PCDH15: variants seen among roughly 807,000 people sequenced by gnomAD.
PCDH15 encodes the protein protocadherin-15.
A neutral mutation model predicts 178.5 loss-of-function variants in PCDH15; 129 were observed. The ratio of observed to expected loss-of-function variants is 0.72; its 90% CI spans 0.63 to 0.84. The LOEUF (loss-of-function observed/expected upper bound fraction) is 0.84. Ranked by LOEUF, PCDH15 falls within the 40% of genes least tolerant of loss-of-function variation. The probability of loss-of-function intolerance (pLI) is 0.00; values close to 1 mark genes in which losing one functional copy is unlikely to be tolerated. For synonymous variants in PCDH15, 800 were observed against 732.0 expected (o/e 1.09, Z -1.50); for missense variants, 2,230 against 2,099.9 (o/e 1.06, Z -1.21).
At chr10:54,700,136 C>T (rs910496497) in intron 1 of PCDH15, among the ~76,000 whole-genome samples, 3 of 152,012 alleles carry the variant, frequency 2.0e-5, no homozygotes, top group African/African-American at 7.2e-5. Context: ...CTTCCAGAGA[C>T]AAAGTCAATC....
chr10:54,566,161 T>C (rs2089003954), intron 2 of PCDH15, among the ~76,000 whole-genome samples: 1 of 152,178 alleles, frequency 6.6e-6, no homozygotes, highest in Non-Finnish European at 1.5e-5. Context: ...TGTGGTATAA[T>C]TTTTTGTCAT....
chr10:54,401,186 G>A (rs1249659345), intron 3 of PCDH15, among the ~76,000 whole-genome samples: 1 of 151,872 alleles, frequency 6.6e-6, no homozygotes, highest in Non-Finnish European at 1.5e-5. Flanking sequence ...ACCTGGCTTT[G>A]TCTAAAAACA....
chr10:55,172,976 G>C (rs927682809), intron 1 of PCDH15, among the ~76,000 whole-genome samples: 1 of 151,922 alleles, frequency 6.6e-6, no homozygotes, highest in African/African-American at 2.4e-5. Flanking sequence ...GCAAATTTAA[G>C]CAAGTCAGCT....
chr10:54,588,705 A>G (rs141572610), intron 2 of PCDH15, among the ~76,000 whole-genome samples: 1 of 152,204 alleles, frequency 6.6e-6, no homozygotes, highest in Non-Finnish European at 1.5e-5. Context: ...CCTCCCAAGC[A>G]GCTGTGACTA....
chr10:55,172,733 G>A (rs1839372298), intron 1 of PCDH15, among the ~76,000 whole-genome samples: 1 of 151,820 alleles, frequency 6.6e-6, no homozygotes, highest in Admixed American at 6.6e-5. Context: ...GGTATCATTA[G>A]GATGTAACAA....
chr10:55,155,921 C>T (rs1457376719), intron 2 of PCDH15, among the ~76,000 whole-genome samples: 1 of 152,108 alleles, frequency 6.6e-6, no homozygotes, highest in Non-Finnish European at 1.5e-5. Context: ...ATATTTTTCA[C>T]TAAGCCTCCA....
intron 2 of PCDH15, among the ~76,000 whole-genome samples, chr10:54,914,198 G>A (rs1218620088): frequency 2.0e-5 from 3 of 152,136 alleles, no homozygotes; most frequent in Non-Finnish European, 4.4e-5. Context: ...AGTGTTTGAG[G>A]AGGGGCATGG....
chr10:55,544,206 G>A (rs979937577), intron 2 of PCDH15, among the ~76,000 whole-genome samples: 1 of 125,432 alleles, frequency 8.0e-6, no homozygotes, highest in Non-Finnish European at 1.7e-5. Context: ...ATGCATATAT[G>A]TAGCTGGTTA....
intron 2 of PCDH15, among the ~76,000 whole-genome samples, chr10:55,372,048 G>T (rs1485865689): frequency 1.3e-5 from 2 of 151,894 alleles, no homozygotes; most frequent in Non-Finnish European, 2.9e-5. Context: ...TTTTAAAGAA[G>T]AATAATTTGA....
intron 2 of PCDH15, among the ~76,000 whole-genome samples, chr10:55,044,389 A>G (rs77924154): frequency 0.016 from 2,377 of 152,252 alleles, 67 homozygotes; most frequent in African/African-American, 0.054. Flanking sequence ...AGAAAACCTA[A>G]CGCATATGAT....
At chr10:54,907,521 T>C (rs1040543578) in intron 2 of PCDH15, among the ~76,000 whole-genome samples, 1 of 152,190 alleles carries the variant, frequency 6.6e-6, no homozygotes, top group Non-Finnish European at 1.5e-5. Context: ...GTGTTTTCAC[T>C]GTATGCTCTC....
chr10:55,027,953 T>A (rs2131962937), intron 2 of PCDH15, among the ~76,000 whole-genome samples: 1 of 152,036 alleles, frequency 6.6e-6, no homozygotes, highest in African/African-American at 2.4e-5. Flanking sequence ...GTTACTTTGA[T>A]ATTTCAGCAT....
intron 29 of PCDH15, among the ~76,000 whole-genome samples, chr10:53,837,783 A>T (rs917552620): frequency 9.2e-5 from 14 of 151,924 alleles, no homozygotes; most frequent in Admixed American, 2.0e-4. Context: ...ACACATATAC[A>T]CATGTATATG....
At chr10:55,165,945 A>G (rs1441569633) in intron 2 of PCDH15, among the ~76,000 whole-genome samples, 1 of 152,104 alleles carries the variant, frequency 6.6e-6, no homozygotes, top group Admixed American at 6.6e-5. Context: ...TTAAAACATT[A>G]TAATACCACT....
Position 54,795,262 on chromosome 10 carries a change from C to G in PCDH15, c.-29+5663G>C, listed in dbSNP as rs184559043. 2.2e-3 allele frequency among the ~76,000 whole-genome samples: 334 copies of G among 151,722 alleles called. 2 individuals carry two copies. The highest frequency in any genetic ancestry group is 6.5e-3 in the African/African-American group (268 of 41,420). The stretch of plus-strand genomic sequence containing the variant: ...TCACTTACTTTTTAAAAATTCCTAC[C>G]GCCTCTCTCTTCCAAAACCAGTCCT... On this transcript the variant is annotated intron_variant, in intron 1 of 37. Transcript: ENST00000644397.
chr10:55,603,828 T>C (rs1203611053), intron 2 of PCDH15, among the ~76,000 whole-genome samples: 3 of 146,394 alleles, frequency 2.0e-5, no homozygotes, highest in Non-Finnish European at 3.0e-5. Context: ...AGGAAGAAAC[T>C]GCATCAACTA....
chr10:54,654,571 G>C (rs550945581), intron 2 of PCDH15, among the ~76,000 whole-genome samples: 113 of 152,254 alleles, frequency 7.4e-4, no homozygotes, highest in African/African-American at 2.6e-3. Context: ...AAATTGCAGA[G>C]CTTAAGGGAA....
intron 1 of PCDH15, among the ~76,000 whole-genome samples, chr10:55,204,367 T>A (rs913211332): frequency 1.3e-5 from 2 of 151,458 alleles, no homozygotes; most frequent in African/African-American, 4.9e-5. Context: ...TATATACATA[T>A]GTACGTGTAT....
At chr10:55,574,724 A>G (rs1225633638) in intron 2 of PCDH15, among the ~76,000 whole-genome samples, 1 of 152,074 alleles carries the variant, frequency 6.6e-6, no homozygotes, top group African/African-American at 2.4e-5. Context: ...GACAGAACCA[A>G]CAATATAATA....
Sources: allele counts gnomAD v4.1 joint callset (sites outside exome capture counted in the v4.1 genomes callset), GRCh38; gene constraint gnomAD v4.1.1; transcripts MANE v1.5; gene names NCBI Gene and HGNC (gene_info 2026-07-23, HGNC 2026-07-21).